Variants in SNIP1 observed in about 807,000 individuals in gnomAD.
The protein encoded by SNIP1 is Smad nuclear interacting protein 1.
Under a neutral mutation model 37.4 loss-of-function variants are expected in SNIP1, and 23 were observed. That is an observed-to-expected ratio of 0.61 (90% CI 0.44 to 0.87). The LOEUF (loss-of-function observed/expected upper bound fraction) is 0.87. Among genes scored for constraint, SNIP1 ranks in the 40% least tolerant of loss-of-function variants. The pLI, the probability that SNIP1 is intolerant of heterozygous loss-of-function variation, is 0.00. For missense variants in SNIP1, 459 were observed against 540.4 expected (o/e 0.85, Z 1.49); for synonymous variants, 174 against 200.0 (o/e 0.87, Z 1.10).
chr1:37,534,798 C>G lies in SNIP1; in HGVS notation c.*2950G>C, dbSNP rs1382328401. 6.6e-6 allele frequency: 1 copy of G among 152,082 alleles called. No individual in the cohort carries two copies. The highest frequency in any genetic ancestry group is 1.5e-5 in the Non-Finnish European group (1 of 68,020). 9.4% of individuals were successfully genotyped at this position (152,082 alleles called of 1,614,324 possible). A position where few individuals can be genotyped will look rare whatever the true frequency, so the allele number is the denominator to read the frequency against. On this transcript the variant is annotated 3_prime_UTR_variant, in exon 4 of 4. Transcript: ENST00000296215. The stretch of plus-strand genomic sequence containing the variant: ...CAGAATCATGGACCCCCACAGAGGA[C>G]TTAGGGGAGGGGCTCAGAAGCAAAG...
chr1:37,552,837 A>T, intron 1 of SNIP1, 90 bp from the exon 2 acceptor site: 1 of 1,005,022 alleles, frequency 1.0e-6, no homozygotes, highest in Non-Finnish European at 1.6e-6. Flanking sequence ...TACTAACACA[A>T]ACACCGCATT....
chr1:37,544,739 C>T (rs962804412), intron 2 of SNIP1: 2 of 660,542 alleles, frequency 3.0e-6, no homozygotes, highest in South Asian at 1.5e-5. Context: ...CAGCCACCGC[C>T]GCACAGCCAC....
Position 37,537,727 on chromosome 1 carries a change from A to G in SNIP1, c.*21T>C. On this transcript the variant is annotated 3_prime_UTR_variant, in exon 4 of 4. Transcript: ENST00000296215. ...CTTCCAAGAAGGAAACCGTGTATCA[A>G]TAGTTTGGGTTCTTAGTTTGCTAGC... 3 of 1,604,538 alleles carry G rather than the reference A, an allele frequency of 1.9e-6. No homozygotes were observed. The highest frequency in any genetic ancestry group is 1.1e-5 in the South Asian group (1 of 89,220).
intron 2 of SNIP1, among the ~76,000 whole-genome samples, chr1:37,546,145 A>ACCC (rs34099617): frequency 1.6e-5 from 2 of 124,962 alleles, no homozygotes; most frequent in African/African-American, 6.9e-5. Context: ...TGGGACTAAG[A>ACCC]CCCCCCCCCC....
chr1:37,542,840 A>C (rs936587890), intron 2 of SNIP1, among the ~76,000 whole-genome samples: 4 of 152,084 alleles, frequency 2.6e-5, no homozygotes, highest in Non-Finnish European at 5.9e-5. Context: ...CACTTTGGGA[A>C]GCCAAGGCAG....
At chr1:37,538,224 A>T (rs1313492304) in intron 3 of SNIP1, among the ~76,000 whole-genome samples, 3 of 152,144 alleles carry the variant, frequency 2.0e-5, no homozygotes, top group Non-Finnish European at 4.4e-5. Flanking sequence ...AAAGGTGAGA[A>T]TGGACCGGGC....
rs960531328 is a variant in SNIP1 at position 37,534,570 on chromosome 1, G to A, written c.*3178C>T. ...TTTCACAAGCAGGTATTGCTGGCAC[G>A]TTGTTTGTGTCACGTTTAGATTCCG... On this transcript the variant is annotated 3_prime_UTR_variant, in exon 4 of 4. Coordinates refer to ENST00000296215, the MANE Select transcript of SNIP1 (RefSeq NM_024700.4). The A allele has an allele frequency of 1.1e-4, 17 of 152,102 alleles. No individual in the cohort carries two copies. The highest frequency in any genetic ancestry group is 3.4e-4 in the African/African-American group (14 of 41,402). 9.4% of individuals were successfully genotyped at this position (152,102 alleles called of 1,614,324 possible). A position where few individuals can be genotyped will look rare whatever the true frequency, so the allele number is the denominator to read the frequency against.
At chr1:37,538,849 C>G (rs1242051407) in intron 3 of SNIP1, among the ~76,000 whole-genome samples, 1 of 152,042 alleles carries the variant, frequency 6.6e-6, no homozygotes, top group Non-Finnish European at 1.5e-5. Flanking sequence ...AAGAGGTGAG[C>G]AGCGGGCAAG....
chr1:37,544,484 TTATAGA>T (rs1643207780), intron 2 of SNIP1, among the ~76,000 whole-genome samples: 2 of 151,728 alleles, frequency 1.3e-5, no homozygotes, highest in Admixed American at 6.6e-5. Flanking sequence ...GAAACAAGTC[TTATAGA>T]TGTAGATCCC....
chr1:37,546,152 C>G (rs540535025), intron 2 of SNIP1, among the ~76,000 whole-genome samples: 13 of 149,976 alleles, frequency 8.7e-5, no homozygotes, highest in East Asian at 3.9e-4. Flanking sequence ...AAGACCCCCC[C>G]CCCCCCCGCT....
rs1183320533 is a variant in SNIP1, at chr1:37,536,465, G to T, written c.*1283C>A. On this transcript the variant is annotated 3_prime_UTR_variant, in exon 4 of 4. Transcript: ENST00000296215. ...TTTTATCTCAAAAGTACTGACAGAA[G>T]GCTCCATTAGCAGCAAACAGACCTA... The T allele has an allele frequency of 6.6e-6, 1 of 152,342 alleles. No homozygotes were observed. Among genetic ancestry groups the T allele is most frequent in the African/African-American group, 2.4e-5 (1 of 41,418 alleles). 9.4% of individuals were successfully genotyped at this position (152,342 alleles called of 1,614,324 possible).
At position 37,554,092 on chromosome 1, in the gene SNIP1, C is replaced by T; in HGVS notation, c.138G>A (p.Pro46=). The change falls in exon 1 of 4, where the codon CCG becomes CCA. Residue 46 remains proline (P), a synonymous_variant. Coordinates refer to ENST00000296215, the MANE Select transcript of SNIP1 (RefSeq NM_024700.4). The part of the protein sequence containing the change: ...PEVAPPAHRR[P]DHSGGSPSPP... ...GAGACGGGCTACCACCGGAGTGGTC[C>T]GGACGGCGGTGGGCGGGAGGTGCGA... The T allele has an allele frequency of 6.2e-7, 1 of 1,609,652 alleles. No homozygotes were observed. Among genetic ancestry groups the T allele is most frequent in the Non-Finnish European group, 8.5e-7 (1 of 1,178,516 alleles).
chr1:37,553,239 ATGT>A (rs1557629837), intron 1 of SNIP1, among the ~76,000 whole-genome samples: 1 of 152,004 alleles, frequency 6.6e-6, no homozygotes, highest in African/African-American at 2.4e-5. Context: ...TTCTTTGCAG[ATGT>A]TGTTTCCTCT....
At position 37,554,095 on chromosome 1, in the gene SNIP1, A is replaced by T; in HGVS notation, c.135T>A (p.Arg45=). ...ACGGGCTACCACCGGAGTGGTCCGG[A>T]CGGCGGTGGGCGGGAGGTGCGACTT... is the stretch of plus-strand genomic sequence containing the variant. ...SPEVAPPAHR[R]PDHSGGSPSP... is the part of the protein sequence containing the mutation. The change falls in exon 1 of 4, where the codon CGT becomes CGA. Residue 45 remains arginine (R), a synonymous_variant. Transcript: ENST00000296215. The T allele has an allele frequency of 1.2e-6, 2 of 1,610,380 alleles. No homozygotes were observed. Among genetic ancestry groups the T allele is most frequent in the Non-Finnish European group, 1.7e-6 (2 of 1,178,794 alleles).
rs35905865 is a variant in SNIP1, at chr1:37,538,508, CA to C, written c.927-497del. The stretch of plus-strand genomic sequence containing the variant: ...TGGGCAACAGAGCGAGACTCTGTCT[CA>C]AAAAAAAAAAAAAAAAAAAAGGTGA... On this transcript the variant is annotated intron_variant, in intron 3 of 3. Coordinates refer to ENST00000296215, the MANE Select transcript of SNIP1 (RefSeq NM_024700.4). Among the ~76,000 whole-genome samples the C allele has an allele frequency of 4.8e-3, 277 of 57,946 alleles. 1 individual carries two copies. Among genetic ancestry groups the C allele is most frequent in the Middle Eastern group, 0.013 (1 of 80 alleles). 38.0% of individuals were successfully genotyped at this position (57,946 alleles called of 152,430 possible).
chr1:37,539,507 C>T (rs1490159087), intron 3 of SNIP1, among the ~76,000 whole-genome samples: 4 of 152,246 alleles, frequency 2.6e-5, no homozygotes, highest in African/African-American at 7.2e-5. Flanking sequence ...GTCAGGAGTT[C>T]GAGACCAGCC....
At chr1:37,542,799 C>T (rs559751370) in intron 2 of SNIP1, among the ~76,000 whole-genome samples, 10 of 148,624 alleles carry the variant, frequency 6.7e-5, no homozygotes, top group Non-Finnish European at 1.5e-4. Context: ...GTCCAAGGGC[C>T]GGGCACAGTG....
chr1:37,548,588 G>C (rs1454546122), intron 2 of SNIP1, among the ~76,000 whole-genome samples: 2 of 151,858 alleles, frequency 1.3e-5, no homozygotes, highest in Non-Finnish European at 2.9e-5. Flanking sequence ...GGGATTACAG[G>C]CATGAGCCAC....
Position 37,540,653 on chromosome 1 carries a change from G to T in SNIP1, c.430C>A (p.Arg144=). ...RARNSDRDRH[R]GHSHQRRTSN... is the part of the protein sequence containing the mutation. ...GTTCTCCTTTGGTGGGAATGGCCCCGGTGTCTGTCCCGGTCACTGTTCCTA... is the reference window on the plus strand; with the variant it reads ...GTTCTCCTTTGGTGGGAATGGCCCCTGTGTCTGTCCCGGTCACTGTTCCTA... Residue 144 remains arginine, a synonymous_variant, in exon 3 of 4, where the codon CGG becomes AGG. Coordinates refer to ENST00000296215, the MANE Select transcript of SNIP1 (RefSeq NM_024700.4). This position sits in a 1 kb window ranked among gnomAD's most constrained non-coding sequence, Gnocchi z 5.6. 6.2e-7 allele frequency: 1 copy of T among 1,614,066 alleles called. No individual in the cohort carries two copies. Among genetic ancestry groups the T allele is most frequent in the Admixed American group, 1.7e-5 (1 of 59,984 alleles).
Sources: allele counts gnomAD v4.1 joint callset (sites outside exome capture counted in the v4.1 genomes callset), GRCh38; gene constraint gnomAD v4.1.1; non-coding constraint Gnocchi (gnomAD v3.1); transcripts MANE v1.5; gene names NCBI Gene and HGNC (gene_info 2026-07-23, HGNC 2026-07-21).